KLHL32: variants seen among roughly 807,000 people sequenced by gnomAD.
KLHL32 encodes the protein kelch-like protein 32.
In KLHL32, 35 loss-of-function variants were observed where a neutral mutation model predicts 64.8. The observed-to-expected ratio is 0.54, with a 90% CI of 0.41 to 0.72. KLHL32 has a LOEUF of 0.72. KLHL32 is among the 30% of genes least tolerant of loss of function. The pLI, the probability that KLHL32 is intolerant of heterozygous loss-of-function variation, is 0.00. For missense variants in KLHL32, 589 were observed against 768.5 expected (o/e 0.77, Z 2.76); for synonymous variants, 259 against 281.0 (o/e 0.92, Z 0.78).
intron 5 of KLHL32, among the ~76,000 whole-genome samples, chr6:97,078,105 C>G (rs1217399820): frequency 6.6e-6 from 1 of 152,092 alleles, no homozygotes; most frequent in East Asian, 1.9e-4. Flanking sequence ...TTCACTTTGA[C>G]TTAACATTGT....
chr6:97,014,138 C>A (rs1780788991), intron 3 of KLHL32, among the ~76,000 whole-genome samples: 1 of 151,830 alleles, frequency 6.6e-6, no homozygotes, highest in Non-Finnish European at 1.5e-5. Flanking sequence ...ACTAAAAATA[C>A]AAAAAATTAG....
rs1358777512 is a variant in KLHL32 at position 97,132,819 on chromosome 6, T to TG, written c.1701+73dup. The TG allele has an allele frequency of 1.4e-5, 14 of 1,025,030 alleles. No individual in the cohort carries two copies. The East Asian group carries it at 3.5e-4, about 26-fold the overall frequency. The allele number at this position is 1,025,030 out of a possible 1,614,324, so 63.5% of individuals were successfully genotyped here. On this transcript the variant is annotated intron_variant, in intron 10 of 10. Transcript: ENST00000369261. ...AGGTTACATTTTGCAATGCTGCTAC[T>TG]GAAGAAAGAGATATTTATGTTTAGA...
Position 97,114,207 on chromosome 6 carries a change from C to G in KLHL32, c.1052C>G (p.Ala351Gly). 6.2e-7 allele frequency: 1 copy of G among 1,614,050 alleles called. No individual in the cohort carries two copies. Among genetic ancestry groups the G allele is most frequent in the Non-Finnish European group, 8.5e-7 (1 of 1,180,016 alleles). ...VAVMGDFLFVAGGEVEHASGR... is the reference protein window; with the variant it reads ...VAVMGDFLFVGGGEVEHASGR... ...GTCATGGGGGACTTCCTGTTTGTGG[C>G]AGGAGGGGAAGTTGAGCATGCCAGT... Residue 351 changes from alanine (A) to glycine (G), a missense_variant, in exon 7 of 11, where the codon GCA becomes GGA. Ala to Gly is a moderately conservative substitution (Grantham distance 60, BLOSUM62 0). Coordinates refer to ENST00000369261, the MANE Select transcript of KLHL32 (RefSeq NM_052904.4).
chr6:96,990,557 C>T (rs1777730680), intron 3 of KLHL32, among the ~76,000 whole-genome samples: 1 of 152,162 alleles, frequency 6.6e-6, no homozygotes, highest in Admixed American at 6.5e-5. Flanking sequence ...TCCCAGGGTG[C>T]ACACTGCAGC....
At chr6:97,000,868 C>T in intron 3 of KLHL32, among the ~76,000 whole-genome samples, 1 of 151,962 alleles carries the variant, frequency 6.6e-6, no homozygotes, top group Admixed American at 6.6e-5. Context: ...AATGAGCTAT[C>T]AAGCCATGAA....
chr6:96,916,499 C>T, the KLHL32 span, among the ~76,000 whole-genome samples: 169 of 152,312 alleles, frequency 1.1e-3, no homozygotes, highest in African/African-American at 3.9e-3. Flanking sequence ...CCACAATTTA[C>T]TGTCTCTTGA....
intron 3 of KLHL32, among the ~76,000 whole-genome samples, chr6:96,977,873 C>A (rs1270657868): frequency 2.0e-5 from 3 of 152,138 alleles, no homozygotes; most frequent in Non-Finnish European, 2.9e-5. Flanking sequence ...GGATTTAATT[C>A]TAAACTACAA....
intron 1 of KLHL32, among the ~76,000 whole-genome samples, chr6:96,955,291 T>C (rs1442427015): frequency 6.6e-6 from 1 of 152,046 alleles, no homozygotes; most frequent in Non-Finnish European, 1.5e-5. Context: ...GCAAATTGAG[T>C]TTTTTCTTTG....
the KLHL32 span, among the ~76,000 whole-genome samples, chr6:96,905,321 T>C: frequency 4.5e-4 from 69 of 152,212 alleles, no homozygotes; most frequent in Non-Finnish European, 9.0e-4. Context: ...GAAAAGCAAG[T>C]TGTAACCAAA....
At chr6:97,000,630 AT>A (rs1450718087) in intron 3 of KLHL32, among the ~76,000 whole-genome samples, 2 of 152,198 alleles carry the variant, frequency 1.3e-5, no homozygotes, top group African/African-American at 4.8e-5. Context: ...TACTTGTGCC[AT>A]TTTCTAGACA....
intron 3 of KLHL32, among the ~76,000 whole-genome samples, chr6:96,986,005 A>G (rs1777008308): frequency 6.6e-6 from 1 of 152,050 alleles, no homozygotes; most frequent in South Asian, 2.1e-4. Flanking sequence ...TTGTGGATTT[A>G]TCTACCTTTG....
intron 6 of KLHL32, among the ~76,000 whole-genome samples, chr6:97,102,087 A>G (rs141903253): frequency 1.4e-4 from 21 of 152,330 alleles, no homozygotes; most frequent in Middle Eastern, 6.8e-3. Flanking sequence ...TTTGCTGAGT[A>G]TCAGTATGTT....
At chr6:97,016,724 T>C (rs574160740) in intron 3 of KLHL32, among the ~76,000 whole-genome samples, 1 of 152,250 alleles carries the variant, frequency 6.6e-6, no homozygotes, top group South Asian at 2.1e-4. Context: ...GGGGCAGAAT[T>C]ATATGGTTTG....
intron 3 of KLHL32, among the ~76,000 whole-genome samples, chr6:97,004,981 T>C (rs972045172): frequency 6.6e-6 from 1 of 152,126 alleles, no homozygotes; most frequent in Non-Finnish European, 1.5e-5. Context: ...GGTATCAGGA[T>C]GATGCTGCTC....
At chr6:97,105,826 G>A (rs1796339288) in intron 6 of KLHL32, among the ~76,000 whole-genome samples, 1 of 152,000 alleles carries the variant, frequency 6.6e-6, no homozygotes, top group African/African-American at 2.4e-5. Flanking sequence ...TGTTAGCATT[G>A]CTTTAAAAGA....
upstream of KLHL32, among the ~76,000 whole-genome samples, chr6:96,923,649 C>T (rs375591256): frequency 4.1e-4 from 62 of 152,186 alleles, no homozygotes; most frequent in African/African-American, 1.3e-3. Flanking sequence ...ACATTAAGGA[C>T]ACCTCAAAAT....
intron 3 of KLHL32, among the ~76,000 whole-genome samples, chr6:96,981,827 G>T (rs1776349506): frequency 6.6e-6 from 1 of 152,048 alleles, no homozygotes; most frequent in South Asian, 2.1e-4. Flanking sequence ...TCATTCAGGA[G>T]CAAGTTGTTT....
At chr6:96,944,625 G>C (rs1771718979) in intron 1 of KLHL32, among the ~76,000 whole-genome samples, 1 of 152,178 alleles carries the variant, frequency 6.6e-6, no homozygotes, top group South Asian at 2.1e-4. Flanking sequence ...TATTGTGGGG[G>C]ATGTAGGTTT....
the KLHL32 span, among the ~76,000 whole-genome samples, chr6:96,901,337 T>A: frequency 6.6e-6 from 1 of 152,096 alleles, no homozygotes; most frequent in Non-Finnish European, 1.5e-5. Context: ...CCTTTTTTTT[T>A]TTTTTACTTT....
Sources: allele counts gnomAD v4.1 joint callset (sites outside exome capture counted in the v4.1 genomes callset), GRCh38; gene constraint gnomAD v4.1.1; transcripts MANE v1.5; gene names NCBI Gene and HGNC (gene_info 2026-07-23, HGNC 2026-07-21).